The following SH3BP5 variants were observed in gnomAD, a reference collection of about 807,000 sequenced individuals.
SH3BP5 encodes SH3 domain-binding protein 5.
SH3BP5 carries 22 observed loss-of-function variants against 43.3 expected under a neutral mutation model. That is an observed-to-expected ratio of 0.51 (90% CI 0.36 to 0.73). SH3BP5 has a LOEUF of 0.73. Ranked by LOEUF, SH3BP5 falls within the 30% of genes least tolerant of loss-of-function variation. The pLI, the probability that SH3BP5 is intolerant of heterozygous loss-of-function variation, is 0.00. For missense variants in SH3BP5, 529 were observed against 586.9 expected (o/e 0.90, Z 1.02); for synonymous variants, 255 against 225.8 (o/e 1.13, Z -1.16).
intron 2 of SH3BP5, among the ~76,000 whole-genome samples, chr3:15,318,487 C>T (rs1698238035): frequency 6.8e-6 from 1 of 146,226 alleles, no homozygotes; most frequent in African/African-American, 2.6e-5. Flanking sequence ...CACTTTCCAC[C>T]ATCATATGCT....
At chr3:15,294,048 A>C (rs1697489754) in intron 3 of SH3BP5, among the ~76,000 whole-genome samples, 1 of 148,196 alleles carries the variant, frequency 6.7e-6, no homozygotes, top group Admixed American at 6.8e-5. Flanking sequence ...ACTGCACTCC[A>C]GCCTGGGCGA....
chr3:15,266,770 T>C (rs1696657005), intron 4 of SH3BP5, among the ~76,000 whole-genome samples: 1 of 152,256 alleles, frequency 6.6e-6, no homozygotes, highest in Admixed American at 6.5e-5. Flanking sequence ...TGCCACTGCA[T>C]GTGGCCTAAC....
chr3:15,292,558 GAAA>G (rs1188604207), intron 3 of SH3BP5, among the ~76,000 whole-genome samples: 2 of 152,152 alleles, frequency 1.3e-5, no homozygotes, highest in Admixed American at 6.5e-5. Flanking sequence ...CACCAGAAAA[GAAA>G]ACCTAAGCCA....
intron 3 of SH3BP5, among the ~76,000 whole-genome samples, chr3:15,285,703 G>C (rs1697247359): frequency 1.3e-5 from 2 of 152,226 alleles, no homozygotes; most frequent in Admixed American, 6.5e-5. Flanking sequence ...TAGAGAAGCT[G>C]CACTTAGAAA....
intron 2 of SH3BP5, among the ~76,000 whole-genome samples, chr3:15,325,686 T>C (rs953043579): frequency 6.6e-6 from 1 of 152,208 alleles, no homozygotes. Context: ...CACCGAAAAT[T>C]GCCCCCATCA....
upstream of SH3BP5, among the ~76,000 whole-genome samples, chr3:15,337,531 T>A (rs1698715388): frequency 6.6e-6 from 1 of 152,142 alleles, no homozygotes; most frequent in Non-Finnish European, 1.5e-5. Flanking sequence ...ACTATATGCA[T>A]ACACTATTTC....
chr3:15,321,280 T>C (rs1698318308), intron 2 of SH3BP5, among the ~76,000 whole-genome samples: 1 of 152,202 alleles, frequency 6.6e-6, no homozygotes, highest in Admixed American at 6.5e-5. Flanking sequence ...TAAATAAGCA[T>C]ATATATGACG....
chr3:15,283,546 G>A (rs9852040), intron 3 of SH3BP5, among the ~76,000 whole-genome samples: 1,950 of 152,328 alleles, frequency 0.013, 30 homozygotes, highest in African/African-American at 0.044. Flanking sequence ...AGATGTACGG[G>A]AAATGAAGGG....
In SH3BP5 at chr3:15,280,543, C is replaced by T. The variant is rs552198162; in HGVS notation, c.331-10666G>A. On this transcript the variant is annotated intron_variant, in intron 3 of 8. Transcript: ENST00000383791. ...CTTCAGAGCCTAACAAATAAATTGG[C>T]CTGCTCAAAGCATCAAGCCTGGGTA... 5.5e-4 allele frequency among the ~76,000 whole-genome samples: 83 copies of T among 152,236 alleles called. 1 individual carries two copies. Among genetic ancestry groups the T allele is most frequent in the Non-Finnish European group, 4.1e-4 (28 of 68,006 alleles).
chr3:15,338,071 C>T (rs1046669878), intron 1 of SH3BP5, among the ~76,000 whole-genome samples: 1 of 150,510 alleles, frequency 6.6e-6, no homozygotes, highest in African/African-American at 2.4e-5. Context: ...GCTAGGCGTG[C>T]TGGCCCACAT....
At chr3:15,299,907 T>G (rs984320594) in intron 3 of SH3BP5, among the ~76,000 whole-genome samples, 4 of 152,036 alleles carry the variant, frequency 2.6e-5, no homozygotes, top group Admixed American at 6.5e-5. Flanking sequence ...TTTCTCCAAA[T>G]GGCATACGTA....
chr3:15,295,643 G>C (rs1400463101), intron 3 of SH3BP5, among the ~76,000 whole-genome samples: 1 of 152,182 alleles, frequency 6.6e-6, no homozygotes, highest in African/African-American at 2.4e-5. Context: ...CAGTGTTAAT[G>C]AGTCAACAAA....
chr3:15,331,841 A>C, intron 1 of SH3BP5: 1 of 170,792 alleles, frequency 5.9e-6, no homozygotes, highest in South Asian at 1.3e-4. Flanking sequence ...CTGCAGGGCA[A>C]CGCCCACCCG....
intron 4 of SH3BP5, among the ~76,000 whole-genome samples, chr3:15,268,742 C>T (rs1696712718): frequency 6.6e-6 from 1 of 152,116 alleles, no homozygotes; most frequent in Non-Finnish European, 1.5e-5. Flanking sequence ...TGTGTCCTCC[C>T]AAAATTCTTA....
chr3:15,281,470 G>C (rs1316860362), intron 3 of SH3BP5, among the ~76,000 whole-genome samples: 2 of 152,146 alleles, frequency 1.3e-5, no homozygotes, highest in Non-Finnish European at 2.9e-5. Flanking sequence ...TCCCTTGGCA[G>C]AGCTCTGATC....
chr3:15,268,709 C>CT lies in SH3BP5; in HGVS notation c.495+1003dup, dbSNP rs560287969. ...AGTACTGCTGAGCCAAGAACTGTCC[C>CT]TAGCTGCTATGGTCTGAACATTTGT... On this transcript the variant is annotated intron_variant, in intron 4 of 8. Coordinates refer to ENST00000383791, the MANE Select transcript of SH3BP5 (RefSeq NM_004844.5). 9.2e-5 allele frequency among the ~76,000 whole-genome samples: 14 copies of CT among 152,312 alleles called. 1 individual carries two copies. The highest frequency in any genetic ancestry group is 3.4e-4 in the African/African-American group (14 of 41,562).
chr3:15,265,671 T>C (rs554553322), intron 4 of SH3BP5, among the ~76,000 whole-genome samples: 2 of 152,114 alleles, frequency 1.3e-5, no homozygotes, highest in African/African-American at 4.8e-5. Flanking sequence ...AAGGAGCTCC[T>C]CTATCTACAG....
chr3:15,269,824 C>T lies in SH3BP5; in HGVS notation c.384G>A (p.Val128=). 1.2e-6 allele frequency: 2 copies of T among 1,606,324 alleles called. No individual in the cohort carries two copies. The highest frequency in any genetic ancestry group is 1.7e-6 in the Non-Finnish European group (2 of 1,174,646). ...ATQDFQRATE[V]LRAAKETISL... is the part of the protein sequence containing the mutation. Reference sequence around the variant, plus strand: ...AGATGGTCTCCTTGGCGGCACGGAGCACCTCTGTGGCCCTCTGGAAGTCCT... The same window carrying T: ...AGATGGTCTCCTTGGCGGCACGGAGTACCTCTGTGGCCCTCTGGAAGTCCT... The change falls in exon 4 of 9, where the codon GTG becomes GTA. Residue 128 remains valine, a synonymous_variant. Coordinates refer to ENST00000383791, the MANE Select transcript of SH3BP5 (RefSeq NM_004844.5).
chr3:15,264,679 A>G (rs1237757150), intron 4 of SH3BP5, among the ~76,000 whole-genome samples: 1 of 152,216 alleles, frequency 6.6e-6, no homozygotes, highest in African/African-American at 2.4e-5. Flanking sequence ...CCAAGACCAA[A>G]GGGCTAAGAG....
Sources: allele counts gnomAD v4.1 joint callset (sites outside exome capture counted in the v4.1 genomes callset), GRCh38; gene constraint gnomAD v4.1.1; transcripts MANE v1.5; gene names NCBI Gene and HGNC (gene_info 2026-07-23, HGNC 2026-07-21).